DLG2: variants seen among roughly 807,000 people sequenced by gnomAD.
DLG2 encodes the protein discs large MAGUK scaffold protein 2.
DLG2 carries 45 observed loss-of-function variants against 132.5 expected under a neutral mutation model. The observed-to-expected ratio is 0.34, with a 90% confidence interval of 0.27 to 0.44. The LOEUF (loss-of-function observed/expected upper bound fraction) is 0.44, where lower values mean the gene tolerates loss of function less well. Among genes scored for constraint, DLG2 ranks in the 20% least tolerant of loss-of-function variants. DLG2 has a pLI of 1.00. For missense variants in DLG2, 1,045 were observed against 1,196.9 expected, an observed-to-expected ratio of 0.87 and a Z score of 1.87; for synonymous variants, 424 against 419.6, an observed-to-expected ratio of 1.01 and a Z score of -0.13.
chr11:83,986,586 G>C (rs1186389882), intron 11 of DLG2, among the ~76,000 whole-genome samples: 19 of 150,642 alleles, frequency 1.3e-4, no homozygotes, highest in East Asian at 3.9e-4. Context: ...GTAATGGGAT[G>C]GCTGGGTCAA....
intron 6 of DLG2, among the ~76,000 whole-genome samples, chr11:84,804,953 G>T (rs1002157679): frequency 1.6e-4 from 25 of 152,132 alleles, no homozygotes; most frequent in African/African-American, 5.6e-4. Flanking sequence ...AGGGAGCTTA[G>T]ATCTCCACTC....
Position 84,059,376 on chromosome 11 carries a change from C to T in DLG2, c.858G>A (p.Val286=). The T allele has an allele frequency of 6.2e-7, 1 of 1,613,638 alleles. No individual in the cohort carries two copies. The highest frequency in any genetic ancestry group is 8.5e-7 in the Non-Finnish European group (1 of 1,179,818). The change falls in exon 11 of 28, where the codon GTG becomes GTA. Residue 286 remains valine (V), a synonymous_variant. Transcript: ENST00000376104. ...TCTCCAAAATAGGTCGTCTTCTACG[C>T]ACATACAGCCGAACGATAGACCCTG... ...KEAGSIVRLY[V]RRRRPILETV...
intron 4 of DLG2, among the ~76,000 whole-genome samples, chr11:85,233,751 A>G (rs2075429300): frequency 6.9e-6 from 1 of 145,288 alleles, no homozygotes. Flanking sequence ...TTGCTGCATC[A>G]GATTTTGGAC....
chr11:83,916,253 G>A (rs1019851325), intron 15 of DLG2, among the ~76,000 whole-genome samples: 1 of 151,806 alleles, frequency 6.6e-6, no homozygotes, highest in African/African-American at 2.4e-5. Context: ...CATTTCTCTT[G>A]GGTGCATACT....
At chr11:83,490,640 T>TAATC (rs560118082) in intron 21 of DLG2, among the ~76,000 whole-genome samples, 5 of 151,958 alleles carry the variant, frequency 3.3e-5, no homozygotes, top group Non-Finnish European at 7.4e-5. Context: ...AATATCACCT[T>TAATC]AATCAAGTGA....
At chr11:83,990,514 C>G (rs564358015) in intron 11 of DLG2, among the ~76,000 whole-genome samples, 2 of 152,246 alleles carry the variant, frequency 1.3e-5, no homozygotes, top group East Asian at 3.9e-4. Context: ...CCCGCCTACG[C>G]TGAGGAGGAG....
In DLG2 at chr11:83,472,787, G is replaced by A; in HGVS notation, c.2294-10C>T. The stretch of plus-strand genomic sequence containing the variant: ...AGGTCTTCTTGTCCTCCTGAGAAGA[G>A]AAGGAAAGAAAACCACAGTGAACTA... On this transcript the variant is annotated splice_polypyrimidine_tract_variant and intron_variant, in intron 22 of 27. Transcript: ENST00000376104. 1 of 1,610,652 alleles carries A rather than the reference G, an allele frequency of 6.2e-7. No individual in the cohort carries two copies. The highest frequency in any genetic ancestry group is 8.5e-7 in the Non-Finnish European group (1 of 1,177,940).
intron 7 of DLG2, among the ~76,000 whole-genome samples, chr11:84,275,462 T>C (rs7124767): frequency 0.73 from 111,423 of 152,090 alleles, 41,453 homozygotes; most frequent in Middle Eastern, 0.81. Flanking sequence ...TCACACCATT[T>C]TCCTGCCTTA....
chr11:85,496,171 C>A (rs112064979), intron 3 of DLG2, among the ~76,000 whole-genome samples: 1 of 152,150 alleles, frequency 6.6e-6, no homozygotes, highest in South Asian at 2.1e-4. Flanking sequence ...AGTTACTGTA[C>A]CTGGAGGAAC....
intron 4 of DLG2, among the ~76,000 whole-genome samples, chr11:85,284,031 T>C (rs1307303730): frequency 6.6e-6 from 1 of 151,908 alleles, no homozygotes; most frequent in Non-Finnish European, 1.5e-5. Flanking sequence ...ACTAAAATAT[T>C]TTCCAAAAAT....
At chr11:84,684,670 T>G (rs1484247292) in intron 6 of DLG2, among the ~76,000 whole-genome samples, 7 of 152,218 alleles carry the variant, frequency 4.6e-5, no homozygotes, top group Admixed American at 4.6e-4. Flanking sequence ...CTGAGCCTAC[T>G]TTCTCCTCTG....
At chr11:85,450,044 T>C (rs947803191) in intron 3 of DLG2, among the ~76,000 whole-genome samples, 10 of 152,040 alleles carry the variant, frequency 6.6e-5, no homozygotes, top group African/African-American at 2.4e-4. Context: ...GGAGAATCGC[T>C]TGAACCCAGG....
At chr11:84,456,163 A>AGCT (rs2099064821) in intron 7 of DLG2, among the ~76,000 whole-genome samples, 1 of 151,328 alleles carries the variant, frequency 6.6e-6, no homozygotes, top group South Asian at 2.1e-4. Context: ...CATTCACTGA[A>AGCT]GCTGCATGGA....
At chr11:84,591,112 T>G (rs2099541639) in intron 6 of DLG2, among the ~76,000 whole-genome samples, 1 of 152,104 alleles carries the variant, frequency 6.6e-6, no homozygotes, top group Admixed American at 6.6e-5. Flanking sequence ...CTCTGATGTA[T>G]TGCTGCAATT....
intron 5 of DLG2, chr11:85,132,884 G>A (rs906550089): frequency 1.8e-5 from 8 of 456,270 alleles, no homozygotes; most frequent in Non-Finnish European, 3.1e-5. Flanking sequence ...ATTGCACACA[G>A]AAAGAAGCAG....
chr11:84,826,983 AC>A lies in DLG2; in HGVS notation c.357+284677del, dbSNP rs572747351. Among the ~76,000 whole-genome samples, 363 of 151,944 alleles carry A rather than the reference AC, an allele frequency of 2.4e-3. 3 individuals are homozygous for A. Among genetic ancestry groups the A allele is most frequent in the African/African-American group, 8.4e-3 (350 of 41,514 alleles). ...GGTTTTTCTGTGTGACAGGGGAGAG[AC>A]TGGATTGAAGAGTATTAACAAAACT... On this transcript the variant is annotated intron_variant, in intron 6 of 27. Coordinates refer to ENST00000376104, the MANE Select transcript of DLG2 (RefSeq NM_001142699.3).
chr11:84,062,140 A>G (rs1310747139), intron 10 of DLG2, among the ~76,000 whole-genome samples: 1 of 152,176 alleles, frequency 6.6e-6, no homozygotes, highest in East Asian at 1.9e-4. Context: ...TGGGATCCTT[A>G]ATTGTCAATT....
chr11:83,521,246 A>G (rs1270942370), intron 21 of DLG2, among the ~76,000 whole-genome samples: 1 of 152,240 alleles, frequency 6.6e-6, no homozygotes. Context: ...AAGGTACAAA[A>G]GTGCTTTGCA....
chr11:83,941,435 A>G (rs1264611874), intron 14 of DLG2, among the ~76,000 whole-genome samples: 1 of 151,782 alleles, frequency 6.6e-6, no homozygotes, highest in Non-Finnish European at 1.5e-5. Flanking sequence ...TCTGTCACCC[A>G]GGCTGGCTGG....
Sources: allele counts gnomAD v4.1 joint callset (sites outside exome capture counted in the v4.1 genomes callset), GRCh38; gene constraint gnomAD v4.1.1; transcripts MANE v1.5; gene names NCBI Gene and HGNC (gene_info 2026-07-23, HGNC 2026-07-21).